STK17A: variants seen among roughly 807,000 people sequenced by gnomAD.
The protein encoded by STK17A is serine/threonine-protein kinase 17A.
STK17A carries 26 observed loss-of-function variants against 43.7 expected under a neutral mutation model. The ratio of observed to expected loss-of-function variants is 0.60; its 90% confidence interval spans 0.44 to 0.83. The LOEUF is 0.83. Among genes scored for constraint, STK17A ranks in the 40% least tolerant of loss-of-function variants. STK17A has a pLI of 0.00. For synonymous variants in STK17A, 191 were observed against 182.5 expected (o/e 1.05, Z -0.38); for missense variants, 476 against 511.6 (o/e 0.93, Z 0.67).
rs1006902382 is a variant in STK17A at position 43,621,096 on chromosome 7, T to C, written c.691+1373T>C. Reference sequence around the variant, plus strand: ...GCACAGAAAGACTCAGGAGGGCCGATAGGGTTGAAGAAAACAAACCTGTAT... The same window carrying C: ...GCACAGAAAGACTCAGGAGGGCCGACAGGGTTGAAGAAAACAAACCTGTAT... On this transcript the variant is annotated intron_variant, in intron 4 of 6. Transcript: ENST00000319357. Among the ~76,000 whole-genome samples the C allele has an allele frequency of 5.3e-5, 8 of 152,338 alleles. No homozygotes were observed. In the South Asian group the frequency reaches 8.3e-4, roughly 16 times the overall value.
chr7:43,584,937 C>T (rs1013306544), intron 1 of STK17A, among the ~76,000 whole-genome samples: 1 of 152,190 alleles, frequency 6.6e-6, no homozygotes, highest in Non-Finnish European at 1.5e-5. Context: ...TGGCTCACGC[C>T]CATAATCCCA....
chr7:43,585,999 T>C (rs1296708547), intron 1 of STK17A, among the ~76,000 whole-genome samples: 2 of 151,590 alleles, frequency 1.3e-5, no homozygotes, highest in African/African-American at 4.8e-5. Flanking sequence ...AAACTTTGCC[T>C]GTATTTATGG....
At chr7:43,616,779 C>T (rs2083391079) in intron 3 of STK17A, among the ~76,000 whole-genome samples, 1 of 146,572 alleles carries the variant, frequency 6.8e-6, no homozygotes, top group Non-Finnish European at 1.5e-5. Flanking sequence ...CTCCTGTAGT[C>T]CCAGCTACTC....
chr7:43,583,743 A>G (rs990837626), intron 1 of STK17A, among the ~76,000 whole-genome samples: 5 of 152,106 alleles, frequency 3.3e-5, no homozygotes, highest in African/African-American at 7.2e-5. Context: ...TCGAATGGCT[A>G]TTTAACGAGA....
chr7:43,585,089 C>T (rs774543337), intron 1 of STK17A, among the ~76,000 whole-genome samples: 2 of 151,950 alleles, frequency 1.3e-5, no homozygotes, highest in African/African-American at 2.4e-5. Flanking sequence ...CCCAGCTACT[C>T]GTGAGGCTGA....
intron 1 of STK17A, among the ~76,000 whole-genome samples, chr7:43,594,895 G>GAAAGA (rs910955640): frequency 1.5e-5 from 2 of 134,022 alleles, no homozygotes; most frequent in African/African-American, 2.6e-5. Context: ...AAAAAAGAAA[G>GAAAGA]AAAGAAAAGA....
chr7:43,595,937 A>C lies in STK17A; in HGVS notation c.243A>C (p.Lys81Asn), dbSNP rs1239574949. ...KFAVVRKCIK[K>N]DSGKEFAAKF... ...CAGTGGTGAGAAAATGTATAAAGAA[A>C]GATTCTGGGAAAGAATTTGCTGCAA... Residue 81 changes from lysine to asparagine, a missense_variant, in exon 2 of 7, where the codon AAA becomes AAC. By Grantham distance (94) the Lys-to-Asn change is moderately conservative. Transcript: ENST00000319357. 2.5e-6 allele frequency: 4 copies of C among 1,613,796 alleles called. No individual in the cohort carries two copies. The highest frequency in any genetic ancestry group is 3.4e-6 in the Non-Finnish European group (4 of 1,179,932).
chr7:43,618,921 G>A (rs1041531335), intron 3 of STK17A, among the ~76,000 whole-genome samples: 2 of 152,130 alleles, frequency 1.3e-5, no homozygotes, highest in African/African-American at 4.8e-5. Context: ...GCAGAGTGGT[G>A]GGAGAAGAGG....
chr7:43,626,714 C>G lies in STK17A; in HGVS notation c.*1872C>G, dbSNP rs1029787443. On this transcript the variant is annotated 3_prime_UTR_variant, in exon 7 of 7. Coordinates refer to ENST00000319357, the MANE Select transcript of STK17A (RefSeq NM_004760.3). ...CGTTTGTACTTGATGGATCTGTCAT[C>G]AAGTTTTAAAATCAGAATCATTTGG... 2 of 152,170 alleles carry G rather than the reference C, an allele frequency of 1.3e-5. No homozygotes were observed. Among genetic ancestry groups the G allele is most frequent in the African/African-American group, 4.8e-5 (2 of 41,438 alleles). 9.4% of individuals were successfully genotyped at this position (152,170 alleles called of 1,614,324 possible). A position where few individuals can be genotyped will look rare whatever the true frequency, so the allele number is the denominator to read the frequency against.
intron 3 of STK17A, among the ~76,000 whole-genome samples, chr7:43,616,438 G>C (rs1357985913): frequency 6.6e-6 from 1 of 152,044 alleles, no homozygotes; most frequent in Non-Finnish European, 1.5e-5. Context: ...TGTGTGGTAG[G>C]CACTGATCAC....
chr7:43,613,933 G>C (rs768947718), intron 3 of STK17A, among the ~76,000 whole-genome samples: 1 of 151,890 alleles, frequency 6.6e-6, no homozygotes, highest in Non-Finnish European at 1.5e-5. Flanking sequence ...ATTTAAATTT[G>C]AGCATCAGTA....
At chr7:43,606,314 T>C (rs2082588126) in intron 2 of STK17A, among the ~76,000 whole-genome samples, 1 of 152,112 alleles carries the variant, frequency 6.6e-6, no homozygotes, top group Non-Finnish European at 1.5e-5. Flanking sequence ...CTACTTTAGA[T>C]AGAAAAAACA....
chr7:43,611,774 A>G (rs1264314364), intron 3 of STK17A, among the ~76,000 whole-genome samples: 3 of 152,308 alleles, frequency 2.0e-5, no homozygotes, highest in Middle Eastern at 3.4e-3. Context: ...AAAATCGTGT[A>G]TCTGTTTTAT....
chr7:43,619,904 T>C (rs1287468611), intron 4 of STK17A, among the ~76,000 whole-genome samples, 181 bp downstream of exon 4: 5 of 152,214 alleles, frequency 3.3e-5, no homozygotes, highest in East Asian at 1.9e-4. Flanking sequence ...AGATACCAAA[T>C]TGGTGATCTC....
chr7:43,612,703 A>C, intron 3 of STK17A, among the ~76,000 whole-genome samples: 1 of 152,152 alleles, frequency 6.6e-6, no homozygotes, highest in East Asian at 1.9e-4. Context: ...GCTATGGGAA[A>C]TACACTGCTT....
chr7:43,616,449 A>G (rs1006772170), intron 3 of STK17A, among the ~76,000 whole-genome samples: 21 of 152,204 alleles, frequency 1.4e-4, no homozygotes, highest in African/African-American at 5.1e-4. Context: ...CACTGATCAC[A>G]GTGACAAAAG....
intron 2 of STK17A, among the ~76,000 whole-genome samples, chr7:43,596,867 C>CAAAAAAAAAAAAAAAAACAAAAA (rs2082519330): frequency 9.4e-6 from 1 of 106,604 alleles, no homozygotes; most frequent in Non-Finnish European, 1.9e-5. Flanking sequence ...GACTCCATCT[C>CAAAAAAAAAAAAAAAAACAAAAA]AAAAAAAAAA....
chr7:43,602,171 C>G (rs1005405423), intron 2 of STK17A, among the ~76,000 whole-genome samples: 2 of 152,084 alleles, frequency 1.3e-5, no homozygotes, highest in Non-Finnish European at 2.9e-5. Flanking sequence ...TTTCTAGGAC[C>G]TGTGTTTTGT....
intron 4 of STK17A, chr7:43,622,608 T>A (rs2084023157): frequency 6.6e-6 from 1 of 152,168 alleles, no homozygotes; most frequent in African/African-American, 2.4e-5. Flanking sequence ...GGAGCATTTT[T>A]ATAATATTTT....
Sources: gnomAD v4.1 joint callset for allele counts (sites outside exome capture counted in the v4.1 genomes callset) on GRCh38, gnomAD v4.1.1 for gene constraint, MANE v1.5 for transcripts, NCBI Gene and HGNC (gene_info 2026-07-23, HGNC 2026-07-21) for gene names.